Variants in PSD3 observed in about 807,000 individuals in gnomAD.
PSD3 encodes PH and SEC7 domain-containing protein 3.
In PSD3, 49 loss-of-function variants were observed where a neutral mutation model predicts 105.5. That is an observed-to-expected ratio of 0.46 (90% CI 0.37 to 0.59). The LOEUF is 0.59. PSD3 is among the 20% of genes least tolerant of loss of function. PSD3 has a pLI of 0.00. For missense variants in PSD3, 1,561 were observed against 1,263.8 expected (o/e 1.24, Z -3.57); for synonymous variants, 557 against 457.8 (o/e 1.22, Z -2.77).
intron 9 of PSD3, among the ~76,000 whole-genome samples, chr8:18,679,865 G>A (rs1036531411): frequency 2.0e-5 from 3 of 152,026 alleles, no homozygotes; most frequent in Non-Finnish European, 4.4e-5. Flanking sequence ...AGCTTTAAAC[G>A]GTTCACTTGA....
intron 12 of PSD3, 131 bp downstream of exon 12, chr8:18,600,233 T>C: frequency 1.2e-6 from 1 of 840,394 alleles, no homozygotes; most frequent in Non-Finnish European, 1.9e-6. Context: ...CCGCTGAAAA[T>C]TTTTTAACAT....
chr8:18,942,924 A>C (rs1211468879), intron 1 of PSD3, among the ~76,000 whole-genome samples: 35 of 152,206 alleles, frequency 2.3e-4, no homozygotes, highest in Admixed American at 2.3e-3. Flanking sequence ...TTCCCTTTTA[A>C]TAAGCAAAAG....
intron 15 of PSD3, among the ~76,000 whole-genome samples, chr8:18,546,954 G>A (rs992051823): frequency 6.6e-6 from 1 of 152,192 alleles, no homozygotes; most frequent in Non-Finnish European, 1.5e-5. Context: ...AGCTGGAGGT[G>A]AGAGAACATG....
At chr8:18,718,625 T>C (rs902806046) in intron 9 of PSD3, among the ~76,000 whole-genome samples, 5 of 152,250 alleles carry the variant, frequency 3.3e-5, no homozygotes, top group African/African-American at 9.6e-5. Context: ...TGTATTCATG[T>C]ATTAGCTGTG....
At chr8:19,041,685 C>T (rs1182538640) in intron 1 of PSD3, among the ~76,000 whole-genome samples, 1 of 152,186 alleles carries the variant, frequency 6.6e-6, no homozygotes, top group Non-Finnish European at 1.5e-5. Flanking sequence ...TTGGACTACG[C>T]CCAGGCAGCT....
At chr8:18,667,631 T>C (rs934258909) in intron 9 of PSD3, among the ~76,000 whole-genome samples, 13 of 152,224 alleles carry the variant, frequency 8.5e-5, no homozygotes, top group Non-Finnish European at 1.8e-4. Flanking sequence ...CAGTGGATCC[T>C]GAACCAGGCG....
At chr8:18,650,561 T>C (rs1007943281) in intron 10 of PSD3, among the ~76,000 whole-genome samples, 1 of 152,232 alleles carries the variant, frequency 6.6e-6, no homozygotes, top group Non-Finnish European at 1.5e-5. Context: ...ACAGTTTTTG[T>C]ATTTTTATCT....
At chr8:18,805,894 C>T (rs1234822273) in intron 4 of PSD3, among the ~76,000 whole-genome samples, 2 of 152,164 alleles carry the variant, frequency 1.3e-5, no homozygotes, top group Admixed American at 1.3e-4. Flanking sequence ...AATAGGCTTA[C>T]TCCATTTTCA....
At position 18,765,772 on chromosome 8, in the gene PSD3, A is replaced by G. The variant is rs1395337209; in HGVS notation, c.2083-234T>C. Among the ~76,000 whole-genome samples, 5 of 152,030 alleles carry G rather than the reference A, an allele frequency of 3.3e-5. No individual in the cohort carries two copies. The East Asian group carries it at 9.7e-4, about 29-fold the overall frequency. On this transcript the variant is annotated intron_variant, in intron 8 of 15. Coordinates refer to ENST00000327040, the MANE Select transcript of PSD3 (RefSeq NM_015310.4). Reference sequence around the variant, plus strand: ...ATGTTTAGCAGAAAGCCCGTCCACTACTAACATGTTTAGTAAAAACCCCGT... The same window carrying G: ...ATGTTTAGCAGAAAGCCCGTCCACTGCTAACATGTTTAGTAAAAACCCCGT...
At chr8:18,616,588 A>G (rs562489947) in intron 11 of PSD3, among the ~76,000 whole-genome samples, 26 of 146,254 alleles carry the variant, frequency 1.8e-4, no homozygotes, top group Admixed American at 3.4e-4. Flanking sequence ...TAACAGGAAC[A>G]CCTTTGCTAG....
chr8:18,607,091 C>G (rs562229877), intron 11 of PSD3, among the ~76,000 whole-genome samples: 1 of 152,258 alleles, frequency 6.6e-6, no homozygotes, highest in African/African-American at 2.4e-5. Context: ...CGGTCTGCTA[C>G]TCCTGTGAGG....
intron 8 of PSD3, among the ~76,000 whole-genome samples, chr8:18,768,336 G>A (rs1481058602): frequency 6.6e-6 from 1 of 151,906 alleles, no homozygotes; most frequent in Non-Finnish European, 1.5e-5. Context: ...CAGGCATGGT[G>A]GCTCATGCCT....
chr8:18,726,550 A>ATTCC (rs1261907150), intron 9 of PSD3, among the ~76,000 whole-genome samples: 1 of 152,184 alleles, frequency 6.6e-6, no homozygotes, highest in Non-Finnish European at 1.5e-5. Context: ...ACTAGGCCCA[A>ATTCC]ATCTCCATCC....
At chr8:18,705,518 C>CT (rs1205485096) in intron 9 of PSD3, among the ~76,000 whole-genome samples, 1 of 115,786 alleles carries the variant, frequency 8.6e-6, no homozygotes, top group Admixed American at 1.1e-4. Flanking sequence ...GTGACAGAGC[C>CT]AGACCCTGTC....
At chr8:18,840,959 A>G (rs1814572459) in intron 4 of PSD3, among the ~76,000 whole-genome samples, 1 of 152,324 alleles carries the variant, frequency 6.6e-6, no homozygotes, top group South Asian at 2.1e-4. Context: ...AGATGAATGC[A>G]CCTTGCCCCT....
intron 1 of PSD3, among the ~76,000 whole-genome samples, chr8:18,977,597 A>G (rs1825014182): frequency 6.6e-6 from 1 of 152,198 alleles, no homozygotes; most frequent in Non-Finnish European, 1.5e-5. Context: ...TTGAAAATAC[A>G]AAATTGTATT....
At chr8:19,071,331 CT>C (rs56280398) in intron 1 of PSD3, among the ~76,000 whole-genome samples, 71,701 of 151,806 alleles carry the variant, frequency 0.47, 17,367 homozygotes, top group East Asian at 0.76. Flanking sequence ...GCCTCCTAAT[CT>C]TTTTTTATTC....
intron 2 of PSD3, among the ~76,000 whole-genome samples, chr8:18,912,705 C>G (rs1475188935): frequency 6.6e-6 from 1 of 152,192 alleles, no homozygotes; most frequent in Non-Finnish European, 1.5e-5. Flanking sequence ...AACCCTCCTC[C>G]TCTTTGGCAA....
chr8:18,535,689 C>G lies in PSD3; in HGVS notation c.*54G>C. The G allele has an allele frequency of 1.4e-6, 2 of 1,421,412 alleles. No individual in the cohort carries two copies. Among genetic ancestry groups the G allele is most frequent in the Non-Finnish European group, 9.9e-7 (1 of 1,009,258 alleles). 88.0% of individuals were successfully genotyped at this position (1,421,412 alleles called of 1,614,324 possible). On this transcript the variant is annotated 3_prime_UTR_variant, in exon 16 of 16. Transcript: ENST00000327040. ...TATATTCACGGATTACCAGAAAGAT[C>G]TTGAAAAACCCTATTTTGCTCCATG...
Sources: allele counts gnomAD v4.1 joint callset (sites outside exome capture counted in the v4.1 genomes callset), GRCh38; gene constraint gnomAD v4.1.1; transcripts MANE v1.5; gene names NCBI Gene and HGNC (gene_info 2026-07-23, HGNC 2026-07-21).